Variants in NHSL3 observed in about 807,000 individuals in gnomAD.
NHSL3 encodes NHS-like protein 3.
the NHSL3 span, chr1:32,771,255 G>A: frequency 6.2e-7 from 1 of 1,612,484 alleles, no homozygotes; most frequent in East Asian, 2.2e-5. Context: ...CCCCTGCTGT[G>A]GTTCCTGGGC....
the NHSL3 span, among the ~76,000 whole-genome samples, chr1:32,762,978 A>ATTT: frequency 7.1e-5 from 9 of 126,166 alleles, no homozygotes; most frequent in Middle Eastern, 4.4e-3. Context: ...CTAGCCTGGA[A>ATTT]TTTTTTTTTT....
At chr1:32,770,102 G>A in the NHSL3 span, 15 of 1,553,640 alleles carry the variant, frequency 9.7e-6, no homozygotes, top group South Asian at 3.6e-5. This position sits in a 1 kb window ranked among gnomAD's most constrained non-coding sequence, Gnocchi z 8.3. Flanking sequence ...TTTGTTGGCC[G>A]GTCCACGGGT....
chr1:32,751,174 C>G, the NHSL3 span, among the ~76,000 whole-genome samples: 3 of 152,168 alleles, frequency 2.0e-5, no homozygotes, highest in Non-Finnish European at 4.4e-5. Flanking sequence ...TCCTGGAGTT[C>G]TGGTCCATAT....
the NHSL3 span, chr1:32,770,880 C>G: frequency 2.5e-6 from 4 of 1,608,960 alleles, no homozygotes; most frequent in African/African-American, 5.3e-5. The surrounding 1 kb of genome is among the most constrained non-coding windows in gnomAD (Gnocchi z 8.3). Flanking sequence ...CGGGTGGTTC[C>G]CGGCGCCCCC....
the NHSL3 span, among the ~76,000 whole-genome samples, chr1:32,760,537 G>A: frequency 1.3e-5 from 2 of 151,798 alleles, no homozygotes; most frequent in African/African-American, 4.8e-5. Flanking sequence ...TCATGGGTGA[G>A]GAAGGCAGGG....
the NHSL3 span, among the ~76,000 whole-genome samples, chr1:32,744,468 T>A: frequency 6.6e-6 from 1 of 152,118 alleles, no homozygotes; most frequent in Non-Finnish European, 1.5e-5. Flanking sequence ...ACCAAACGGA[T>A]TTAAACTCAA....
chr1:32,752,831 G>A, the NHSL3 span, among the ~76,000 whole-genome samples: 1 of 149,250 alleles, frequency 6.7e-6, no homozygotes, highest in African/African-American at 2.5e-5. Context: ...TGCCCGCCTT[G>A]GCCTCCCAAA....
the NHSL3 span, among the ~76,000 whole-genome samples, chr1:32,752,735 G>A: frequency 0.014 from 2,117 of 151,808 alleles, 54 homozygotes; most frequent in African/African-American, 0.047. Context: ...GAGCCACCAC[G>A]CCTGGCTAAT....
chr1:32,762,692 C>T, the NHSL3 span, among the ~76,000 whole-genome samples: 2 of 152,054 alleles, frequency 1.3e-5, no homozygotes, highest in Admixed American at 6.5e-5. Context: ...CGGATTCAAG[C>T]GATTTTCCTG....
At chr1:32,747,575 G>A in the NHSL3 span, among the ~76,000 whole-genome samples, 1 of 152,192 alleles carries the variant, frequency 6.6e-6, no homozygotes. Context: ...CTGGGGGCTA[G>A]GCATGGAGAT....
the NHSL3 span, among the ~76,000 whole-genome samples, chr1:32,762,490 A>T: frequency 6.8e-6 from 1 of 146,212 alleles, no homozygotes; most frequent in African/African-American, 2.6e-5. Context: ...AGAGACAGGG[A>T]CTTACTGTGT....
At chr1:32,771,741 G>T in the NHSL3 span, 1 of 1,613,682 alleles carries the variant, frequency 6.2e-7, no homozygotes, top group Non-Finnish European at 8.5e-7. Flanking sequence ...ATGTGGCCAA[G>T]CTCCCTCAGA....
chr1:32,770,972 T>A, the NHSL3 span: 1 of 945,240 alleles, frequency 1.1e-6, no homozygotes, highest in Non-Finnish European at 1.6e-6. This position sits in a 1 kb window ranked among gnomAD's most constrained non-coding sequence, Gnocchi z 8.3. Context: ...CCCAAGGGCC[T>A]GGCAGGTCCC....
chr1:32,742,126 C>G, the NHSL3 span: 6 of 1,246,458 alleles, frequency 4.8e-6, no homozygotes, highest in African/African-American at 3.1e-5. Context: ...GGGCGCCGAA[C>G]CGGCCGCCCC....
chr1:32,771,894 A>G, the NHSL3 span: 1 of 1,589,368 alleles, frequency 6.3e-7, no homozygotes, highest in Non-Finnish European at 8.6e-7. Flanking sequence ...CACTGGGGCC[A>G]TCGGCCCCCC....
At chr1:32,741,978 C>T in the NHSL3 span, 1 of 1,163,208 alleles carries the variant, frequency 8.6e-7, no homozygotes. This position sits in a 1 kb window ranked among gnomAD's most constrained non-coding sequence, Gnocchi z 4.3. Context: ...CGCCCCCCGC[C>T]GCACCTGCGG....
the NHSL3 span, among the ~76,000 whole-genome samples, chr1:32,748,296 CAAAA>C: frequency 6.7e-6 from 1 of 149,578 alleles, no homozygotes; most frequent in African/African-American, 2.5e-5. Flanking sequence ...ATTCAAAACT[CAAAA>C]AAAAAGGAAG....
chr1:32,752,311 G>A, the NHSL3 span, among the ~76,000 whole-genome samples: 13 of 152,296 alleles, frequency 8.5e-5, no homozygotes, highest in East Asian at 2.5e-3. Context: ...GTTTGCTGGA[G>A]CCATCGGGCA....
chr1:32,764,799 A>G, the NHSL3 span, among the ~76,000 whole-genome samples: 1 of 152,202 alleles, frequency 6.6e-6, no homozygotes, highest in Non-Finnish European at 1.5e-5. Flanking sequence ...CCTTATTTTC[A>G]TATGAGATCG....
Sources: gnomAD v4.1 joint callset for allele counts (sites outside exome capture counted in the v4.1 genomes callset) on GRCh38, gnomAD v4.1.1 for gene constraint, Gnocchi (gnomAD v3.1) non-coding constraint, MANE v1.5 for transcripts, NCBI Gene and HGNC (gene_info 2026-07-23, HGNC 2026-07-21) for gene names.